Variants in SLC22A5 observed in about 807,000 individuals in gnomAD.
The protein encoded by SLC22A5 is organic cation/carnitine transporter 2.
SLC22A5 carries 44 observed loss-of-function variants against 56.7 expected under a neutral mutation model. The observed-to-expected ratio is 0.78, with a 90% CI of 0.61 to 1.00. SLC22A5 has a LOEUF of 1.00. Ranked by LOEUF, SLC22A5 falls within the 50% of genes least tolerant of loss-of-function variation. The pLI, the probability that SLC22A5 is intolerant of heterozygous loss-of-function variation, is 0.00. For synonymous variants in SLC22A5, 278 were observed against 292.1 expected, an observed-to-expected ratio of 0.95 and a Z score of 0.49; for missense variants, 675 against 723.0, an observed-to-expected ratio of 0.93 and a Z score of 0.76.
chr5:132,371,760 G>A (rs553990690), intron 1 of SLC22A5, among the ~76,000 whole-genome samples: 1 of 152,210 alleles, frequency 6.6e-6, no homozygotes, highest in East Asian at 1.9e-4. Context: ...AAACCACCCA[G>A]CAGGACGGCG....
chr5:132,385,191 A>C (rs1752478983), intron 3 of SLC22A5, 137 bp from the exon 4 acceptor site: 2 of 825,282 alleles, frequency 2.4e-6, no homozygotes, highest in Admixed American at 1.9e-5. Flanking sequence ...TCAGAACGCC[A>C]TCCGCTCCCT....
At chr5:132,388,621 C>T (rs1752606734) in intron 5 of SLC22A5, among the ~76,000 whole-genome samples, 1 of 152,150 alleles carries the variant, frequency 6.6e-6, no homozygotes, top group African/African-American at 2.4e-5. Context: ...TGGCCACCGA[C>T]AGGAATATGT....
At chr5:132,376,241 A>T (rs1320995832) in intron 1 of SLC22A5, 1 of 152,192 alleles carries the variant, frequency 6.6e-6, no homozygotes, top group Non-Finnish European at 1.5e-5. Context: ...CCCTGCGGCC[A>T]ATAGGAAAGA....
chr5:132,387,214 C>T, intron 5 of SLC22A5, 63 bp downstream of exon 5: 1 of 1,604,392 alleles, frequency 6.2e-7, no homozygotes. Flanking sequence ...GCAGCAGCAC[C>T]CAGCCCTGAA....
intron 4 of SLC22A5, 75 bp downstream of exon 4, chr5:132,385,574 A>C: frequency 8.3e-7 from 1 of 1,206,086 alleles, no homozygotes; most frequent in Non-Finnish European, 1.2e-6. Context: ...GGGCAGCAAC[A>C]ACCCATGAAT....
rs74782912 is a variant in SLC22A5 at position 132,372,572 on chromosome 5, G to A, written c.393+2207G>A. On this transcript the variant is annotated intron_variant, in intron 1 of 9. Coordinates refer to ENST00000245407, the MANE Select transcript of SLC22A5 (RefSeq NM_003060.4). ...TGACCTTATCTTGCTGCCAATGTCA[G>A]CCTTTTGTTTTTTAATATTTAGACT... 8.2e-4 allele frequency among the ~76,000 whole-genome samples: 125 copies of A among 152,284 alleles called. 2 individuals carry two copies. The East Asian group carries it at 0.019, about 23-fold the overall frequency.
intron 1 of SLC22A5, among the ~76,000 whole-genome samples, chr5:132,370,754 A>C (rs1027190814): frequency 3.3e-5 from 5 of 152,162 alleles, no homozygotes; most frequent in African/African-American, 1.2e-4. Flanking sequence ...TTTTTCCTCT[A>C]GTCTCTTGAT....
chr5:132,385,928 G>A (rs1174262448), intron 4 of SLC22A5, among the ~76,000 whole-genome samples: 1 of 152,238 alleles, frequency 6.6e-6, no homozygotes, highest in Non-Finnish European at 1.5e-5. Context: ...CACCACCAAG[G>A]TAGAGGAGTT....
intron 7 of SLC22A5, 95 bp downstream of exon 7, chr5:132,390,999 C>G (rs1348626577): frequency 1.0e-6 from 1 of 985,796 alleles, no homozygotes; most frequent in African/African-American, 1.6e-5. Flanking sequence ...AAATCAAGCC[C>G]ATCACAGCTC....
At chr5:132,389,423 A>T (rs1482039119) in intron 6 of SLC22A5, 1 of 314,588 alleles carries the variant, frequency 3.2e-6, no homozygotes, top group Admixed American at 4.5e-5. Flanking sequence ...GCTGCCAGTT[A>T]CTTTCTGGAA....
chr5:132,374,742 C>A (rs1752072206), intron 1 of SLC22A5, among the ~76,000 whole-genome samples: 1 of 144,062 alleles, frequency 6.9e-6, no homozygotes, highest in African/African-American at 2.6e-5. Flanking sequence ...TGACACAAAG[C>A]AGGGGGTCAG....
At chr5:132,381,074 C>G (rs1752331031) in intron 2 of SLC22A5, 1 of 152,114 alleles carries the variant, frequency 6.6e-6, no homozygotes, top group African/African-American at 2.4e-5. Context: ...GGAGATACCC[C>G]AAGTTCAGAG....
chr5:132,391,051 T>C (rs996142041), intron 7 of SLC22A5, 147 bp downstream of exon 7: 5 of 732,720 alleles, frequency 6.8e-6, no homozygotes, highest in Non-Finnish European at 1.2e-5. Context: ...CAATAGAAAG[T>C]GTCTTCTGAG....
At position 132,390,738 on chromosome 5, in the gene SLC22A5, C is replaced by T. The variant is rs1012487647; in HGVS notation, c.1101C>T (p.Asn367=). 1.1e-5 allele frequency: 17 copies of T among 1,614,136 alleles called. No individual in the cohort carries two copies. The African/African-American group carries it at 2.1e-4, about 20-fold the overall frequency. Reference sequence around the variant, plus strand: ...TTGGGCTTTCGCTTGATACTCCTAACTTGCATGGGGACATCTTTGTGAACT... The same window carrying T: ...TTGGGCTTTCGCTTGATACTCCTAATTTGCATGGGGACATCTTTGTGAACT... ...GYFGLSLDTP[N]LHGDIFVNCF... Residue 367 remains asparagine (N), a synonymous_variant, in exon 7 of 10, where the codon AAC becomes AAT. Coordinates refer to ENST00000245407, the MANE Select transcript of SLC22A5 (RefSeq NM_003060.4).
intron 3 of SLC22A5, among the ~76,000 whole-genome samples, chr5:132,385,003 C>T (rs1008457101): frequency 6.6e-6 from 1 of 152,172 alleles, no homozygotes; most frequent in African/African-American, 2.4e-5. Flanking sequence ...CATGTGCTGA[C>T]TTAGTAATGA....
chr5:132,379,177 A>C (rs1580879073), intron 2 of SLC22A5: 5 of 154,010 alleles, frequency 3.2e-5, no homozygotes, highest in Admixed American at 3.2e-4. Context: ...ACATGTGAGC[A>C]TTTTTTTGGA....
In SLC22A5 at chr5:132,369,822, CGGT is replaced by C. The variant is rs1751809543; in HGVS notation, c.-149_-147del. ...GCCAGCCGCGGCAGGACCAAGGCGG[CGGT>C]GTCAGCTCGCGAGCCTACCCTCCGC... On this transcript the variant is annotated 5_prime_UTR_variant, in exon 1 of 10. Coordinates refer to ENST00000245407, the MANE Select transcript of SLC22A5 (RefSeq NM_003060.4). 3 of 962,982 alleles carry C rather than the reference CGGT, an allele frequency of 3.1e-6. 1 individual carries two copies. The highest frequency in any genetic ancestry group is 4.4e-6 in the Non-Finnish European group (3 of 678,126). 59.7% of individuals were successfully genotyped at this position (962,982 alleles called of 1,614,324 possible). A position where few individuals can be genotyped will look rare whatever the true frequency, so the allele number is the denominator to read the frequency against.
chr5:132,369,858 C>G lies in SLC22A5; in HGVS notation c.-115C>G. On this transcript the variant is annotated 5_prime_UTR_variant, in exon 1 of 10. Coordinates refer to ENST00000245407, the MANE Select transcript of SLC22A5 (RefSeq NM_003060.4). ...CGCGAGCCTACCCTCCGCGGACGGT[C>G]TTGGGTCGCCTGCTGCCTGGCTTGC... 7.0e-7 allele frequency: 1 copy of G among 1,419,594 alleles called. No individual in the cohort carries two copies. The highest frequency in any genetic ancestry group is 9.4e-7 in the Non-Finnish European group (1 of 1,059,616). 87.9% of individuals were successfully genotyped at this position (1,419,594 alleles called of 1,614,324 possible).
chr5:132,377,473 T>G (rs964271627), intron 1 of SLC22A5: 8 of 152,304 alleles, frequency 5.3e-5, no homozygotes, highest in African/African-American at 1.7e-4. Context: ...CATTTTTCTG[T>G]GAACCACTAA....
Sources: allele counts gnomAD v4.1 joint callset (sites outside exome capture counted in the v4.1 genomes callset), GRCh38; gene constraint gnomAD v4.1.1; transcripts MANE v1.5; gene names NCBI Gene and HGNC (gene_info 2026-07-23, HGNC 2026-07-21).